PATJ: variants seen among roughly 807,000 people sequenced by gnomAD.
PATJ encodes the protein inaD-like protein.
In PATJ, 190 loss-of-function variants were observed where a neutral mutation model predicts 224.9. The observed-to-expected ratio is 0.84, with a 90% CI of 0.75 to 0.95. The LOEUF (loss-of-function observed/expected upper bound fraction) is 0.95, where lower values mean the gene tolerates loss of function less well. Ranked by LOEUF, PATJ falls within the 40% of genes least tolerant of loss-of-function variation. PATJ has a pLI of 0.00. For synonymous variants in PATJ, 769 were observed against 820.3 expected (o/e 0.94, Z 1.07); for missense variants, 2,121 against 2,270.3 (o/e 0.93, Z 1.34).
At chr1:61,956,370 T>G (rs1364641319) in intron 27 of PATJ, among the ~76,000 whole-genome samples, 1 of 152,166 alleles carries the variant, frequency 6.6e-6, no homozygotes, top group Admixed American at 6.5e-5. Flanking sequence ...GTTAAAGGTT[T>G]TGAATTTCAT....
At position 61,908,440 on chromosome 1, in the gene PATJ, C is replaced by T; in HGVS notation, c.3450C>T (p.Asn1150=). The change falls in exon 25 of 44, where the codon AAC becomes AAT. Residue 1150 remains asparagine, a synonymous_variant. Transcript: ENST00000642238. ...EAVEAIKNAG[N]PVVFIVQSLS... Reference sequence around the variant, plus strand: ...TTGAGGCCATTAAGAATGCAGGAAACCCTGTGGTGTTCATTGTTCAGAGTT... The same window carrying T: ...TTGAGGCCATTAAGAATGCAGGAAATCCTGTGGTGTTCATTGTTCAGAGTT... The T allele has an allele frequency of 1.2e-6, 2 of 1,613,918 alleles. No individual in the cohort carries two copies. The highest frequency in any genetic ancestry group is 1.7e-6 in the Non-Finnish European group (2 of 1,179,826).
At chr1:61,812,433 A>AGAGAGTGTGTGTGTGTGTGTGTGT (rs1397549346) in intron 14 of PATJ, among the ~76,000 whole-genome samples, 37 of 85,184 alleles carry the variant, frequency 4.3e-4, no homozygotes, top group Admixed American at 8.3e-4. Flanking sequence ...AGAGAGAGAG[A>AGAGAGTGTGTGTGTGTGTGTGTGT]GTGTGTGTGT....
chr1:61,971,364 G>A (rs556592236), intron 27 of PATJ, among the ~76,000 whole-genome samples: 1 of 152,138 alleles, frequency 6.6e-6, no homozygotes, highest in South Asian at 2.1e-4. Flanking sequence ...TTAAAACAGC[G>A]TAAGGCCAGG....
Position 61,979,466 on chromosome 1 carries a change from A to G in PATJ, c.3671-10702A>G, listed in dbSNP as rs1379374434. On this transcript the variant is annotated intron_variant, in intron 27 of 43. Transcript: ENST00000642238. ...TCAGGAGATTGAGACCATCCCGGCC[A>G]ACATGGTAAAACTCTGTCTCTACTA... Among the ~76,000 whole-genome samples, 3 of 152,126 alleles carry G rather than the reference A, an allele frequency of 2.0e-5. No individual in the cohort carries two copies. In the East Asian group the frequency reaches 5.8e-4, roughly 29 times the overall value.
rs145384094 is a variant in PATJ, at chr1:62,062,480, C to T, written c.4125+11422C>T. 6.5e-3 allele frequency among the ~76,000 whole-genome samples: 807 copies of T among 124,042 alleles called. 7 individuals carry two copies. The highest frequency in any genetic ancestry group is 8.7e-3 in the Non-Finnish European group (517 of 59,368). 81.4% of individuals were successfully genotyped at this position (124,042 alleles called of 152,430 possible). Reference sequence around the variant, plus strand: ...TGGAGTGCAGTGGTGTGGTCATAGCCCACAGCAACCTTTTTTTTTTTTTTT... The same window carrying T: ...TGGAGTGCAGTGGTGTGGTCATAGCTCACAGCAACCTTTTTTTTTTTTTTT... On this transcript the variant is annotated intron_variant, in intron 31 of 43. Coordinates refer to ENST00000642238, the MANE Select transcript of PATJ (RefSeq NM_001350145.3).
chr1:61,769,330 C>T lies in PATJ; in HGVS notation c.432C>T (p.Gly144=). The stretch of plus-strand genomic sequence containing the variant: ...ATATAGAACGGCCTTCAACTGGAGG[C>T]CTTGGATTCAGTGTGGTGGCCCTCA... ...YIDIERPSTG[G]LGFSVVALRS... is the part of the protein sequence containing the mutation. The change falls in exon 5 of 44, where the codon GGC becomes GGT. Residue 144 remains glycine, a synonymous_variant. Coordinates refer to ENST00000642238, the MANE Select transcript of PATJ (RefSeq NM_001350145.3). 6.2e-7 allele frequency: 1 copy of T among 1,613,830 alleles called. No individual in the cohort carries two copies. Among genetic ancestry groups the T allele is most frequent in the East Asian group, 2.2e-5 (1 of 44,852 alleles).
At chr1:62,008,607 C>T (rs951877011) in intron 28 of PATJ, among the ~76,000 whole-genome samples, 2 of 151,814 alleles carry the variant, frequency 1.3e-5, no homozygotes, top group African/African-American at 2.4e-5. Context: ...AAAATGAGCC[C>T]GGTGTGTGGT....
At chr1:61,790,271 A>G (rs1262764704) in intron 8 of PATJ, among the ~76,000 whole-genome samples, 2 of 151,484 alleles carry the variant, frequency 1.3e-5, no homozygotes, top group African/African-American at 4.8e-5. Context: ...TTTTTATATT[A>G]CTGAACAATA....
rs977617228 is a variant in PATJ, at chr1:62,018,980, C to T, written c.3959+1033C>T. 6.6e-6 allele frequency among the ~76,000 whole-genome samples: 1 copy of T among 152,118 alleles called. No homozygotes were observed. The highest frequency in any genetic ancestry group is 2.4e-5 in the African/African-American group (1 of 41,408). On this transcript the variant is annotated intron_variant, in intron 29 of 43. Coordinates refer to ENST00000642238, the MANE Select transcript of PATJ (RefSeq NM_001350145.3). The surrounding 1 kb of genome is among the most constrained non-coding windows in gnomAD (Gnocchi z 4.2). ...TACATTAGGGCCAGGCACGGTGGCT[C>T]ACGTCTGTAATCCCAGCACTTTGGG...
At chr1:61,744,284 C>CAAAAA (rs35247131) in intron 1 of PATJ, among the ~76,000 whole-genome samples, 85 of 68,576 alleles carry the variant, frequency 1.2e-3, no homozygotes, top group East Asian at 1.5e-3. Flanking sequence ...AACCCTGTCT[C>CAAAAA]AAAAAAAAAA....
chr1:61,902,180 T>G (rs1204592818), intron 24 of PATJ, among the ~76,000 whole-genome samples: 1 of 151,244 alleles, frequency 6.6e-6, no homozygotes, highest in Non-Finnish European at 1.5e-5. Flanking sequence ...AAGATCGGAC[T>G]TCCCTCCAGC....
chr1:61,786,589 G>A (rs1165293428), intron 7 of PATJ, among the ~76,000 whole-genome samples: 1 of 151,974 alleles, frequency 6.6e-6, no homozygotes, highest in Non-Finnish European at 1.5e-5. Context: ...TCAGTTCATG[G>A]CAACTCTATC....
chr1:61,785,927 A>G (rs1243839957), intron 7 of PATJ, among the ~76,000 whole-genome samples: 1 of 152,198 alleles, frequency 6.6e-6, no homozygotes, highest in Non-Finnish European at 1.5e-5. Flanking sequence ...AAACAAAACA[A>G]TAATTACCAG....
intron 20 of PATJ, among the ~76,000 whole-genome samples, chr1:61,874,146 G>C (rs1253836613): frequency 6.6e-6 from 1 of 152,020 alleles, no homozygotes; most frequent in African/African-American, 2.4e-5. Flanking sequence ...CAGGGTGGAA[G>C]AGTGGAATGA....
intron 7 of PATJ, among the ~76,000 whole-genome samples, chr1:61,782,552 CATTT>C: frequency 6.6e-6 from 1 of 152,046 alleles, no homozygotes; most frequent in Non-Finnish European, 1.5e-5. Context: ...TAGAAAATAG[CATTT>C]ATTTATTTTA....
In PATJ at chr1:61,990,321, C is replaced by A. The variant is rs772395304; in HGVS notation, c.3824C>A (p.Ala1275Asp). Residue 1275 changes from alanine (A) to aspartate (D), a missense_variant, in exon 28 of 44, where the codon GCT becomes GAT. Coordinates refer to ENST00000642238, the MANE Select transcript of PATJ (RefSeq NM_001350145.3). ...FVVGINPEGP[A>D]AADGRMRIGD... ...GTGGGAATTAACCCGGAAGGACCTG[C>A]TGCCGCAGATGGACGAATGCGTATT... 2.5e-6 allele frequency: 4 copies of A among 1,613,512 alleles called. No homozygotes were observed. Among genetic ancestry groups the A allele is most frequent in the Non-Finnish European group, 3.4e-6 (4 of 1,179,866 alleles).
intron 17 of PATJ, among the ~76,000 whole-genome samples, chr1:61,845,056 A>G (rs1204769328): frequency 1.3e-5 from 2 of 152,206 alleles, no homozygotes; most frequent in African/African-American, 4.8e-5. Flanking sequence ...CAATCATAAT[A>G]TATATAGGAC....
intron 22 of PATJ, among the ~76,000 whole-genome samples, chr1:61,885,641 T>C (rs1206406744): frequency 1.3e-5 from 2 of 152,086 alleles, no homozygotes; most frequent in Non-Finnish European, 2.9e-5. Flanking sequence ...GATCTAGAAC[T>C]AGAAATACCA....
rs190397063 is a variant in PATJ, at chr1:61,943,972, C to A, written c.3670+16143C>A. Among the ~76,000 whole-genome samples, 388 of 152,230 alleles carry A rather than the reference C, an allele frequency of 2.5e-3. 3 individuals carry two copies. The highest frequency in any genetic ancestry group is 9.0e-3 in the African/African-American group (374 of 41,534). ...AGGCAAACAGGGTCTGGAGTGGACC[C>A]CCAGCAAACTCCAACAGACCTGCAG... is the stretch of plus-strand genomic sequence containing the variant. On this transcript the variant is annotated intron_variant, in intron 27 of 43. Coordinates refer to ENST00000642238, the MANE Select transcript of PATJ (RefSeq NM_001350145.3).
Sources: allele counts gnomAD v4.1 joint callset (sites outside exome capture counted in the v4.1 genomes callset), GRCh38; gene constraint gnomAD v4.1.1; non-coding constraint Gnocchi (gnomAD v3.1); transcripts MANE v1.5; gene names NCBI Gene and HGNC (gene_info 2026-07-23, HGNC 2026-07-21).